Variants in ZFHX3 observed in about 807,000 individuals in gnomAD.
The protein encoded by ZFHX3 is zinc finger homeobox protein 3.
In ZFHX3, 42 loss-of-function variants were observed where a neutral mutation model predicts 279.1. The observed-to-expected ratio is 0.15, with a 90% CI of 0.12 to 0.19. ZFHX3 has a LOEUF of 0.19. ZFHX3 is among the 10% of genes least tolerant of loss of function. The pLI, the probability that ZFHX3 is intolerant of heterozygous loss-of-function variation, is 1.00. For synonymous variants in ZFHX3, 2,293 were observed against 1,957.8 expected (o/e 1.17, Z -4.52); for missense variants, 4,981 against 4,754.0 (o/e 1.05, Z -1.40).
intron 2 of ZFHX3, among the ~76,000 whole-genome samples, chr16:73,654,623 T>G (rs796588779): frequency 1.6e-4 from 24 of 152,182 alleles, no homozygotes; most frequent in African/African-American, 5.8e-4. Context: ...CATGAATAAT[T>G]TGGTTGTAAA....
At chr16:72,841,622 A>G (rs752543131) in intron 4 of ZFHX3, among the ~76,000 whole-genome samples, 11 of 152,106 alleles carry the variant, frequency 7.2e-5, no homozygotes, top group Non-Finnish European at 1.5e-4. Context: ...TCCCTTTCAC[A>G]ATGATTTTAG....
At chr16:73,417,839 A>C (rs1045762969) in intron 3 of ZFHX3, among the ~76,000 whole-genome samples, 1 of 151,000 alleles carries the variant, frequency 6.6e-6, no homozygotes, top group African/African-American at 2.4e-5. Context: ...AAAATAAAAA[A>C]TTAGCCGGGC....
At chr16:72,932,723 G>T in intron 3 of ZFHX3, among the ~76,000 whole-genome samples, 1 of 148,840 alleles carries the variant, frequency 6.7e-6, no homozygotes, top group East Asian at 2.0e-4. Flanking sequence ...CAAGTTCAAA[G>T]CTAATTAAAA....
At chr16:72,841,540 G>GT (rs1348216818) in intron 4 of ZFHX3, among the ~76,000 whole-genome samples, 1 of 152,140 alleles carries the variant, frequency 6.6e-6, no homozygotes, top group Non-Finnish European at 1.5e-5. Flanking sequence ...CAAAGCCTCT[G>GT]TTTTTTTAAA....
intron 1 of ZFHX3, among the ~76,000 whole-genome samples, chr16:72,989,146 C>T (rs1393049132): frequency 1.3e-5 from 2 of 151,556 alleles, no homozygotes; most frequent in African/African-American, 4.9e-5. Flanking sequence ...GCACTCTTGG[C>T]CTGGGCAAGA....
chr16:73,496,244 A>G (rs2019139706), intron 2 of ZFHX3, among the ~76,000 whole-genome samples: 1 of 152,192 alleles, frequency 6.6e-6, no homozygotes, highest in South Asian at 2.1e-4. Context: ...TTAGAAACAC[A>G]TCGTGGCCGG....
intron 1 of ZFHX3, among the ~76,000 whole-genome samples, chr16:73,821,449 G>A (rs1272688055): frequency 6.6e-6 from 1 of 152,214 alleles, no homozygotes; most frequent in Non-Finnish European, 1.5e-5. Flanking sequence ...ACTTAGCTAT[G>A]CCTATGACCT....
intron 4 of ZFHX3, among the ~76,000 whole-genome samples, chr16:72,841,813 T>G (rs892111427): frequency 6.6e-6 from 1 of 152,108 alleles, no homozygotes; most frequent in Non-Finnish European, 1.5e-5. Context: ...GCAATATCTC[T>G]CAAGGCCCAA....
At chr16:72,951,093 G>A in intron 2 of ZFHX3, 128 bp from the exon 3 acceptor site, 1 of 1,322,630 alleles carries the variant, frequency 7.6e-7, no homozygotes, top group African/African-American at 1.5e-5. Context: ...TTCAAGTGTT[G>A]CAAAGGGCTA....
At chr16:73,018,710 A>G (rs1214343333) in intron 1 of ZFHX3, among the ~76,000 whole-genome samples, 1 of 152,062 alleles carries the variant, frequency 6.6e-6, no homozygotes, top group Non-Finnish European at 1.5e-5. Flanking sequence ...TACTCTCTTC[A>G]CTCTGAGAAT....
intron 5 of ZFHX3, among the ~76,000 whole-genome samples, chr16:73,187,558 AGAAGT>A (rs1967941464): frequency 1.3e-5 from 2 of 152,230 alleles, no homozygotes; most frequent in Non-Finnish European, 2.9e-5. Context: ...GGGGCATTTC[AGAAGT>A]GAATGTGCTG....
At chr16:72,839,649 T>A in intron 4 of ZFHX3, among the ~76,000 whole-genome samples, 1 of 151,178 alleles carries the variant, frequency 6.6e-6, no homozygotes, top group African/African-American at 2.4e-5. Flanking sequence ...AAAAAAAAGC[T>A]GGAGTTGATA....
In ZFHX3 at chr16:73,239,603, G is replaced by A. The variant is rs759167185; in HGVS notation, c.-1104+17444C>T. On this transcript the variant is annotated intron_variant, in intron 5 of 17. Coordinates refer to the ZFHX3 transcript ENST00000641206. ...TCTTGAGGTCAGGGACTGATTCTTC[G>A]CCTATCTTCCAGCAGCGGTAGATTC... 2.3e-4 allele frequency among the ~76,000 whole-genome samples: 35 copies of A among 152,222 alleles called. No individual in the cohort carries two copies. In the East Asian group the frequency reaches 4.4e-3, roughly 19 times the overall value.
chr16:73,001,313 T>A (rs1344016185), intron 1 of ZFHX3, among the ~76,000 whole-genome samples: 1 of 152,198 alleles, frequency 6.6e-6, no homozygotes, highest in African/African-American at 2.4e-5. Context: ...GATTTCAGTC[T>A]GTCCCCAGTC....
intron 7 of ZFHX3, among the ~76,000 whole-genome samples, chr16:73,116,565 G>C (rs75734303): frequency 2.2e-3 from 340 of 152,250 alleles, no homozygotes; most frequent in African/African-American, 7.8e-3. Flanking sequence ...TGGGGATGCA[G>C]ACCATGTACC....
At chr16:73,671,875 C>A (rs907451742) in intron 2 of ZFHX3, among the ~76,000 whole-genome samples, 1 of 152,116 alleles carries the variant, frequency 6.6e-6, no homozygotes, top group African/African-American at 2.4e-5. Flanking sequence ...CATACATTAA[C>A]CTATATACAT....
At chr16:73,760,021 A>T (rs1173568142) in intron 1 of ZFHX3, among the ~76,000 whole-genome samples, 12 of 138,992 alleles carry the variant, frequency 8.6e-5, no homozygotes, top group African/African-American at 2.9e-4. Flanking sequence ...TTTTTTTTAA[A>T]AAAAAATTAA....
intron 4 of ZFHX3, among the ~76,000 whole-genome samples, chr16:73,311,234 C>G (rs1291272050): frequency 5.3e-5 from 8 of 151,006 alleles, no homozygotes; most frequent in Admixed American, 4.6e-4. Context: ...ACTTCGTCTC[C>G]CTCCACAAAA....
intron 4 of ZFHX3, among the ~76,000 whole-genome samples, chr16:72,889,437 A>C (rs2038713891): frequency 6.6e-6 from 1 of 150,672 alleles, no homozygotes; most frequent in African/African-American, 2.4e-5. Context: ...GTAGCTTGTG[A>C]CTTCCCTAAG....
Sources: gnomAD v4.1 joint callset for allele counts (sites outside exome capture counted in the v4.1 genomes callset) on GRCh38, gnomAD v4.1.1 for gene constraint, MANE v1.5 for transcripts, NCBI Gene and HGNC (gene_info 2026-07-23, HGNC 2026-07-21) for gene names.